The following XKR9 variants were observed in gnomAD, a reference collection of about 807,000 sequenced individuals.
XKR9 encodes XK-related protein 9.
In XKR9, 32 loss-of-function variants were observed where a neutral mutation model predicts 32.0. That is an observed-to-expected ratio of 1.00 (90% CI 0.76 to 1.34). The LOEUF (loss-of-function observed/expected upper bound fraction) is 1.34. Ranked by LOEUF, XKR9 falls within the 40% of genes most tolerant of loss-of-function variation. The pLI is 0.00. For missense variants in XKR9, 546 were observed against 429.7 expected, an observed-to-expected ratio of 1.27 and a Z score of -2.39; for synonymous variants, 168 against 143.4, an observed-to-expected ratio of 1.17 and a Z score of -1.22.
chr8:70,907,218 G>T, the XKR9 span, among the ~76,000 whole-genome samples: 46 of 152,126 alleles, frequency 3.0e-4, no homozygotes, highest in Non-Finnish European at 5.9e-4. Flanking sequence ...AAATTATATG[G>T]ACTATTTCAT....
chr8:70,885,714 A>G, the XKR9 span, among the ~76,000 whole-genome samples: 57 of 152,106 alleles, frequency 3.7e-4, no homozygotes, highest in African/African-American at 1.3e-3. Flanking sequence ...CTCCTGCCTC[A>G]GCCTCCTAAG....
intron 2 of XKR9, among the ~76,000 whole-genome samples, chr8:70,753,686 G>A (rs946723645): frequency 3.3e-5 from 5 of 152,012 alleles, no homozygotes; most frequent in African/African-American, 1.2e-4. Flanking sequence ...CTCAATAGAT[G>A]CAGAAAAGGC....
the XKR9 span, among the ~76,000 whole-genome samples, chr8:70,875,977 C>A: frequency 5.9e-5 from 9 of 151,960 alleles, no homozygotes; most frequent in Non-Finnish European, 1.2e-4. Context: ...AAGCCAGGCA[C>A]ATAAACACAT....
At chr8:70,832,577 T>C in the XKR9 span, among the ~76,000 whole-genome samples, 2 of 152,172 alleles carry the variant, frequency 1.3e-5, no homozygotes, top group Admixed American at 1.3e-4. Context: ...AAAGTATATA[T>C]GTAAATGCTC....
At chr8:70,865,036 C>T in the XKR9 span, among the ~76,000 whole-genome samples, 1 of 152,162 alleles carries the variant, frequency 6.6e-6, no homozygotes, top group Non-Finnish European at 1.5e-5. Flanking sequence ...ATCTCTTTCT[C>T]TTTACTTTTT....
chr8:70,859,834 G>A, the XKR9 span, among the ~76,000 whole-genome samples: 1 of 152,108 alleles, frequency 6.6e-6, no homozygotes, highest in East Asian at 1.9e-4. Context: ...AGGCTAGGAA[G>A]GATGTGTGTG....
At chr8:70,829,638 C>T in the XKR9 span, among the ~76,000 whole-genome samples, 5 of 152,026 alleles carry the variant, frequency 3.3e-5, no homozygotes, top group East Asian at 1.9e-4. Flanking sequence ...TTAGTAGAGA[C>T]GGGGTTTCAC....
chr8:70,984,745 A>G, the XKR9 span, among the ~76,000 whole-genome samples: 1 of 152,212 alleles, frequency 6.6e-6, no homozygotes, highest in Non-Finnish European at 1.5e-5. Flanking sequence ...TACCTGAGGT[A>G]CAATGTGGGA....
At chr8:71,035,089 A>G in the XKR9 span, among the ~76,000 whole-genome samples, 1 of 152,204 alleles carries the variant, frequency 6.6e-6, no homozygotes, top group African/African-American at 2.4e-5. Flanking sequence ...TGGGAGTGGA[A>G]TTGCTGAGTC....
chr8:70,956,106 G>T, the XKR9 span, among the ~76,000 whole-genome samples: 1 of 152,148 alleles, frequency 6.6e-6, no homozygotes, highest in Non-Finnish European at 1.5e-5. Flanking sequence ...AGTGGGGGTG[G>T]GGGAGCAAGT....
chr8:70,871,061 A>G, the XKR9 span, among the ~76,000 whole-genome samples: 2 of 152,188 alleles, frequency 1.3e-5, no homozygotes, highest in Non-Finnish European at 2.9e-5. Context: ...TGTAATTTAT[A>G]TCTTATCTTT....
At chr8:70,849,898 A>T in the XKR9 span, among the ~76,000 whole-genome samples, 3 of 151,658 alleles carry the variant, frequency 2.0e-5, no homozygotes, top group African/African-American at 7.3e-5. Context: ...GGACACATAC[A>T]CCCTCCCAAA....
intron 2 of XKR9, among the ~76,000 whole-genome samples, chr8:70,759,542 G>GT (rs926651375): frequency 8.6e-5 from 13 of 151,310 alleles, no homozygotes; most frequent in South Asian, 4.2e-4. Flanking sequence ...GAAAACAAAT[G>GT]TTTTTTTTTC....
At chr8:70,724,064 T>C (rs1397757764) in intron 4 of XKR9, among the ~76,000 whole-genome samples, 1 of 152,024 alleles carries the variant, frequency 6.6e-6, no homozygotes, top group East Asian at 1.9e-4. Context: ...CTGCTGCCTT[T>C]TCTTCGGAGA....
At chr8:70,894,576 A>G in the XKR9 span, among the ~76,000 whole-genome samples, 1 of 152,092 alleles carries the variant, frequency 6.6e-6, no homozygotes, top group Non-Finnish European at 1.5e-5. Flanking sequence ...GTGGGGCAGG[A>G]ACTATTCTGA....
the XKR9 span, among the ~76,000 whole-genome samples, chr8:70,967,065 C>CTTT: frequency 2.0e-4 from 20 of 101,292 alleles, 3 homozygotes; most frequent in African/African-American, 8.4e-4. Context: ...GATCTTGACT[C>CTTT]TTTTTTTTTT....
At position 70,734,237 on chromosome 8, in the gene XKR9, T is replaced by A; in HGVS notation, c.935T>A (p.Ile312Asn). The part of the protein sequence containing the change: ...LTVFWVCPLT[I>N]FNPDYFIPIS... Reference sequence around the variant, plus strand: ...GTATTCTGGGTTTGCCCCCTCACTATTTTTAATCCAGACTATTTTATACCT... The same window carrying A: ...GTATTCTGGGTTTGCCCCCTCACTAATTTTAATCCAGACTATTTTATACCT... The change falls in exon 5 of 5, where the codon ATT becomes AAT. Residue 312 changes from isoleucine to asparagine, a missense_variant. Physicochemically the swap from Ile to Asn is moderately radical, Grantham distance 149. Transcript: ENST00000408926. The A allele has an allele frequency of 3.7e-6, 6 of 1,613,128 alleles. No individual in the cohort carries two copies. The highest frequency in any genetic ancestry group is 4.2e-6 in the Non-Finnish European group (5 of 1,179,444).
At chr8:70,918,926 C>T in the XKR9 span, among the ~76,000 whole-genome samples, 274 of 151,518 alleles carry the variant, frequency 1.8e-3, 3 homozygotes, top group Middle Eastern at 3.4e-3. Context: ...TACAGGCGCC[C>T]GCCACCACGC....
At chr8:70,867,537 T>C in the XKR9 span, among the ~76,000 whole-genome samples, 1 of 152,184 alleles carries the variant, frequency 6.6e-6, no homozygotes, top group East Asian at 1.9e-4. Flanking sequence ...CTGCAACCTC[T>C]GCCTCCCTGG....
Sources: allele counts gnomAD v4.1 joint callset (sites outside exome capture counted in the v4.1 genomes callset), GRCh38; gene constraint gnomAD v4.1.1; transcripts MANE v1.5; gene names NCBI Gene and HGNC (gene_info 2026-07-23, HGNC 2026-07-21).